The following SEC24D variants were observed in gnomAD, a reference collection of about 807,000 sequenced individuals.
SEC24D encodes the protein protein transport protein Sec24D.
SEC24D carries 69 observed loss-of-function variants against 116.9 expected under a neutral mutation model. That is an observed-to-expected ratio of 0.59 (90% CI 0.49 to 0.72). The LOEUF (loss-of-function observed/expected upper bound fraction) is 0.72. Ranked by LOEUF, SEC24D falls within the 30% of genes least tolerant of loss-of-function variation. The probability of loss-of-function intolerance (pLI) is 0.00; values close to 1 mark genes in which losing one functional copy is unlikely to be tolerated. For missense variants in SEC24D, 1,131 were observed against 1,264.1 expected, an observed-to-expected ratio of 0.89 and a Z score of 1.60; for synonymous variants, 405 against 442.8, an observed-to-expected ratio of 0.91 and a Z score of 1.07.
chr4:118,788,789 A>G (rs1431032360), intron 8 of SEC24D, among the ~76,000 whole-genome samples: 1 of 152,240 alleles, frequency 6.6e-6, no homozygotes, highest in Non-Finnish European at 1.5e-5. Flanking sequence ...CTGCCAAGGA[A>G]CAACTAAGAT....
chr4:118,804,854 A>G (rs901595212), intron 7 of SEC24D, among the ~76,000 whole-genome samples: 7 of 150,810 alleles, frequency 4.6e-5, no homozygotes, highest in African/African-American at 1.7e-4. Context: ...CCCTCTATAC[A>G]CATATAAGCA....
At chr4:118,791,778 G>A (rs772891686) in intron 8 of SEC24D, among the ~76,000 whole-genome samples, 4 of 152,116 alleles carry the variant, frequency 2.6e-5, no homozygotes, top group Admixed American at 6.5e-5. Flanking sequence ...TGCCAGCCTC[G>A]GCCTCCCAAA....
chr4:118,754,963 C>G (rs927595513), intron 11 of SEC24D, among the ~76,000 whole-genome samples: 1 of 152,072 alleles, frequency 6.6e-6, no homozygotes, highest in South Asian at 2.1e-4. Context: ...AGAGGAAAAA[C>G]TAGATTACTA....
rs866787211 is a variant in SEC24D at position 118,827,508 on chromosome 4, C to T, written c.119-2759G>A. ...GCGGCAGATACCATGGACCAGTAAACACAACAATTCCAATCCCTTTCTGAC... is the reference window on the plus strand; with the variant it reads ...GCGGCAGATACCATGGACCAGTAAATACAACAATTCCAATCCCTTTCTGAC... On this transcript the variant is annotated intron_variant, in intron 2 of 22. Coordinates refer to ENST00000280551, the MANE Select transcript of SEC24D (RefSeq NM_014822.4). 4.6e-5 allele frequency among the ~76,000 whole-genome samples: 7 copies of T among 152,290 alleles called. 1 individual carries two copies. The highest frequency in any genetic ancestry group is 6.8e-3 in the Middle Eastern group (2 of 294).
intron 8 of SEC24D, 63 bp downstream of exon 8, chr4:118,797,620 T>C (rs1399358497): frequency 1.6e-6 from 2 of 1,280,004 alleles, no homozygotes; most frequent in Admixed American, 2.3e-5. Flanking sequence ...ATAAGAAAAT[T>C]GTGAGAAAAT....
At chr4:118,797,953 A>G (rs1729254851) in intron 7 of SEC24D, 143 bp from the exon 8 acceptor site, 2 of 645,306 alleles carry the variant, frequency 3.1e-6, no homozygotes, top group African/African-American at 3.6e-5. Context: ...TGTTTTTTAA[A>G]AAAGTAGTAT....
intron 6 of SEC24D, among the ~76,000 whole-genome samples, chr4:118,809,219 GC>G (rs1049264380): frequency 6.6e-6 from 1 of 151,878 alleles, no homozygotes; most frequent in Admixed American, 6.6e-5. Flanking sequence ...TGATCCGCCC[GC>G]CTCAGCCTCC....
intron 8 of SEC24D, among the ~76,000 whole-genome samples, chr4:118,792,454 G>C (rs1012649817): frequency 6.6e-6 from 1 of 152,240 alleles, no homozygotes; most frequent in Non-Finnish European, 1.5e-5. Flanking sequence ...ACAGAAAAGG[G>C]GGAAATGTGG....
At chr4:118,829,477 AATCC>A (rs1179362581) in intron 2 of SEC24D, among the ~76,000 whole-genome samples, 4 of 152,174 alleles carry the variant, frequency 2.6e-5, no homozygotes, top group African/African-American at 9.7e-5. Flanking sequence ...TCGTCACTGC[AATCC>A]AGCCTGAGTA....
At chr4:118,798,852 A>G (rs540564200) in intron 7 of SEC24D, among the ~76,000 whole-genome samples, 11 of 152,226 alleles carry the variant, frequency 7.2e-5, no homozygotes, top group Non-Finnish European at 1.5e-4. Context: ...TGCCCGGAGT[A>G]GTGACAGCAG....
In SEC24D at chr4:118,797,699, G is replaced by C. The variant is rs1390130305; in HGVS notation, c.1025C>G (p.Thr342Ser). ...PLAAVIKPFA[T>S]IPSNESPLYL... is the part of the protein sequence containing the mutation. ...CATTCTTACCTCATTTGAAGGAATGGTGGCAAAGGGCTTGATGACAGCAGC... is the reference window on the plus strand; with the variant it reads ...CATTCTTACCTCATTTGAAGGAATGCTGGCAAAGGGCTTGATGACAGCAGC... Residue 342 changes from threonine (T) to serine (S), a missense_variant, in exon 8 of 23, where the codon ACC (threonine) becomes AGC (serine). Thr to Ser is a moderately conservative substitution (Grantham distance 58). Transcript: ENST00000280551. The C allele has an allele frequency of 6.9e-6, 11 of 1,604,342 alleles. No individual in the cohort carries two copies. The highest frequency in any genetic ancestry group is 9.4e-6 in the Non-Finnish European group (11 of 1,173,926).
At chr4:118,810,118 G>GTGTGTC (rs1729849488) in intron 6 of SEC24D, among the ~76,000 whole-genome samples, 1 of 148,370 alleles carries the variant, frequency 6.7e-6, no homozygotes, top group Admixed American at 6.7e-5. Context: ...GTGTGTGTGT[G>GTGTGTC]TGTGTGTGTG....
chr4:118,798,829 C>G (rs1323871219), intron 7 of SEC24D, among the ~76,000 whole-genome samples: 1 of 152,216 alleles, frequency 6.6e-6, no homozygotes, highest in Non-Finnish European at 1.5e-5. Flanking sequence ...TAGTGGGTAT[C>G]TGGGGAAGGA....
chr4:118,734,073 C>G (rs1725835386), intron 19 of SEC24D, among the ~76,000 whole-genome samples: 1 of 150,734 alleles, frequency 6.6e-6, no homozygotes, highest in African/African-American at 2.4e-5. Flanking sequence ...ATCTGAATGT[C>G]ACTTCCTTCC....
intron 8 of SEC24D, among the ~76,000 whole-genome samples, chr4:118,780,407 G>A (rs1201060438): frequency 3.9e-5 from 6 of 152,118 alleles, no homozygotes; most frequent in Admixed American, 6.6e-5. Context: ...GTAGTTGTGC[G>A]GTTTTTAGTG....
intron 8 of SEC24D, among the ~76,000 whole-genome samples, chr4:118,792,442 G>A (rs1006444442): frequency 2.6e-5 from 4 of 152,210 alleles, no homozygotes; most frequent in African/African-American, 7.2e-5. Flanking sequence ...CGATTTTGTC[G>A]AACAGAAAAG....
Position 118,764,913 on chromosome 4 carries a change from TG to T in SEC24D, c.1184del (p.Pro395HisfsTer25). 1.3e-6 allele frequency: 2 copies of T among 1,561,992 alleles called. No homozygotes were observed. Among genetic ancestry groups the T allele is most frequent in the Non-Finnish European group, 8.8e-7 (1 of 1,134,960 alleles). On this transcript the variant is annotated frameshift_variant, in exon 10 of 23. Coordinates refer to ENST00000280551, the MANE Select transcript of SEC24D (RefSeq NM_014822.4). LOFTEE classifies it high-confidence loss of function. ...CGFCNCVNDV[P>X]PFYFQHLDHI... is the part of the protein sequence containing the mutation. ...GGTCCAGATGTTGGAAATAGAATGG[TG>T]GAACTAATAAAAACAAAATAGGAAA...
intron 8 of SEC24D, among the ~76,000 whole-genome samples, chr4:118,771,882 GAC>G (rs569654756): frequency 4.9e-4 from 74 of 152,092 alleles, no homozygotes; most frequent in Admixed American, 2.7e-3. Flanking sequence ...GGGGTAGAAA[GAC>G]AGTAAATAAA....
At chr4:118,825,998 T>C (rs1730577353) in intron 2 of SEC24D, among the ~76,000 whole-genome samples, 1 of 151,896 alleles carries the variant, frequency 6.6e-6, no homozygotes, top group African/African-American at 2.4e-5. Flanking sequence ...TTTCAGATGT[T>C]TGCATAATCT....
Sources: allele counts gnomAD v4.1 joint callset (sites outside exome capture counted in the v4.1 genomes callset), GRCh38; gene constraint gnomAD v4.1.1; transcripts MANE v1.5; gene names NCBI Gene and HGNC (gene_info 2026-07-23, HGNC 2026-07-21).